The following XRN2 variants were observed in gnomAD, a reference collection of about 807,000 sequenced individuals.
XRN2 encodes the protein DHM1-like protein.
A neutral mutation model predicts 138.5 loss-of-function variants in XRN2; 44 were observed. The observed-to-expected ratio is 0.32, with a 90% CI of 0.25 to 0.41. XRN2 has a LOEUF of 0.41. Among genes scored for constraint, XRN2 ranks in the 10% least tolerant of loss-of-function variants. XRN2 has a pLI of 1.00. For synonymous variants in XRN2, 354 were observed against 369.4 expected, an observed-to-expected ratio of 0.96 and a Z score of 0.48; for missense variants, 937 against 1,169.3, an observed-to-expected ratio of 0.80 and a Z score of 2.90.
At chr20:21,344,765 T>G (rs976548742) in intron 16 of XRN2, among the ~76,000 whole-genome samples, 2 of 152,128 alleles carry the variant, frequency 1.3e-5, no homozygotes, top group African/African-American at 4.8e-5. Context: ...TACTTCAAAT[T>G]TAAAATAGGA....
At chr20:21,308,526 G>C (rs1306850660) in intron 1 of XRN2, among the ~76,000 whole-genome samples, 2 of 152,120 alleles carry the variant, frequency 1.3e-5, no homozygotes, top group Non-Finnish European at 2.9e-5. Context: ...ACTTGATATA[G>C]TTAGCCCTTT....
chr20:21,385,538 A>G (rs2038928747), intron 28 of XRN2, among the ~76,000 whole-genome samples: 1 of 152,232 alleles, frequency 6.6e-6, no homozygotes, highest in African/African-American at 2.4e-5. Context: ...TACTTATAAC[A>G]CATTGTTATT....
intron 13 of XRN2, 79 bp from the exon 14 acceptor site, chr20:21,338,965 C>T (rs1334428575): frequency 1.4e-6 from 2 of 1,391,588 alleles, no homozygotes; most frequent in Non-Finnish European, 2.0e-6. Flanking sequence ...AAGTTGTCTC[C>T]CAAATCATTC....
chr20:21,365,409 G>A lies in XRN2; in HGVS notation c.2256-12G>A. ...TAATCAGATCATTGAATTGTTTCTT[G>A]TTCTTTTCCAGTATTAATTTTAAAG... On this transcript the variant is annotated splice_polypyrimidine_tract_variant and intron_variant, in intron 24 of 29. Transcript: ENST00000377191. 2 of 1,610,864 alleles carry A rather than the reference G, an allele frequency of 1.2e-6. No homozygotes were observed. The highest frequency in any genetic ancestry group is 1.7e-6 in the Non-Finnish European group (2 of 1,178,660).
intron 9 of XRN2, 124 bp downstream of exon 9, chr20:21,332,564 A>G: frequency 3.0e-6 from 3 of 991,770 alleles, no homozygotes; most frequent in Non-Finnish European, 4.1e-6. Context: ...TAAATATTTG[A>G]GTTACCTTGT....
intron 1 of XRN2, among the ~76,000 whole-genome samples, chr20:21,313,711 T>C (rs1005052968): frequency 6.6e-6 from 1 of 152,240 alleles, no homozygotes; most frequent in Non-Finnish European, 1.5e-5. Context: ...GTGTACAGTG[T>C]GGTCTTACTG....
intron 26 of XRN2, among the ~76,000 whole-genome samples, chr20:21,366,195 A>G (rs1195345120): frequency 7.7e-6 from 1 of 129,724 alleles, no homozygotes; most frequent in Non-Finnish European, 1.6e-5. Flanking sequence ...TATTATATTT[A>G]TAGTTTATAT....
At chr20:21,380,188 C>T (rs1298090008) in intron 27 of XRN2, among the ~76,000 whole-genome samples, 1 of 152,096 alleles carries the variant, frequency 6.6e-6, no homozygotes, top group East Asian at 1.9e-4. Context: ...TGAATATTTG[C>T]TGTATTTCTT....
In XRN2 at chr20:21,349,579, C is replaced by CA. The variant is rs2122256450; in HGVS notation, c.1936+124dup. 6 of 853,696 alleles carry CA rather than the reference C, an allele frequency of 7.0e-6. No individual in the cohort carries two copies. In the South Asian group the frequency reaches 9.5e-5, roughly 13 times the overall value. The allele number at this position is 853,696 out of a possible 1,614,324, so 52.9% of individuals were successfully genotyped here. A position where few individuals can be genotyped will look rare whatever the true frequency, so the allele number is the denominator to read the frequency against. The stretch of plus-strand genomic sequence containing the variant: ...GCAACATGGTGAAATCTCATTTCTA[C>CA]AAAAAATACAAAAATTAGCCTGGCG... On this transcript the variant is annotated intron_variant, in intron 20 of 29. Coordinates refer to ENST00000377191, the MANE Select transcript of XRN2 (RefSeq NM_012255.5).
At chr20:21,330,570 C>G (rs755043756) in intron 5 of XRN2, 31 bp downstream of exon 5, 6 of 1,613,540 alleles carry the variant, frequency 3.7e-6, no homozygotes, top group South Asian at 2.2e-5. Context: ...CTAGCTATTG[C>G]TAACTCTTAA....
intron 1 of XRN2, among the ~76,000 whole-genome samples, chr20:21,318,903 TAGAA>T (rs2037998839): frequency 6.6e-6 from 1 of 152,160 alleles, no homozygotes. Context: ...TGTAATGTGC[TAGAA>T]ATATCTGTTA....
At chr20:21,351,364 C>A (rs957329694) in intron 20 of XRN2, among the ~76,000 whole-genome samples, 1 of 152,130 alleles carries the variant, frequency 6.6e-6, no homozygotes, top group East Asian at 1.9e-4. Flanking sequence ...TACTGAACAT[C>A]GTTTCATGTC....
Position 21,356,566 on chromosome 20 carries a change from A to T in XRN2, c.2119-20A>T. The T allele has an allele frequency of 6.2e-7, 1 of 1,608,200 alleles. No individual in the cohort carries two copies. Among genetic ancestry groups the T allele is most frequent in the Non-Finnish European group, 8.5e-7 (1 of 1,176,116 alleles). The stretch of plus-strand genomic sequence containing the variant: ...TTTTCCATTCTTTGCATATGAGATC[A>T]GGAATGCATTTTTCCACAGCCAGTG... On this transcript the variant is annotated intron_variant, in intron 22 of 29. Coordinates refer to ENST00000377191, the MANE Select transcript of XRN2 (RefSeq NM_012255.5).
At position 21,326,416 on chromosome 20, in the gene XRN2, C is replaced by A; in HGVS notation, c.203+10C>A. ...CTCATCCTGAAGACAAGTACGTAAC[C>A]CATTTTTGTCACTGATATAGCAAAT... On this transcript the variant is annotated intron_variant, in intron 2 of 29. Transcript: ENST00000377191. 6.2e-7 allele frequency: 1 copy of A among 1,613,450 alleles called. No homozygotes were observed. Among genetic ancestry groups the A allele is most frequent in the African/African-American group, 1.3e-5 (1 of 74,992 alleles).
chr20:21,317,063 TC>T (rs1271945330), intron 1 of XRN2, among the ~76,000 whole-genome samples: 2 of 152,216 alleles, frequency 1.3e-5, no homozygotes, highest in Non-Finnish European at 2.9e-5. Flanking sequence ...TAGTTTAATT[TC>T]TTTTTTTTCT....
chr20:21,304,297 C>T (rs1410787397), intron 1 of XRN2, among the ~76,000 whole-genome samples: 1 of 150,600 alleles, frequency 6.6e-6, no homozygotes, highest in Non-Finnish European at 1.5e-5. Flanking sequence ...GCGTACCTCA[C>T]TCCTTAGTTT....
At chr20:21,365,743 T>C in intron 26 of XRN2, 39 bp downstream of exon 26, 7 of 1,546,958 alleles carry the variant, frequency 4.5e-6, no homozygotes, top group Non-Finnish European at 6.1e-6. Context: ...ATTTTGCTTT[T>C]TCTGAATCAT....
At chr20:21,378,087 T>G (rs1042171375) in intron 27 of XRN2, among the ~76,000 whole-genome samples, 1 of 152,216 alleles carries the variant, frequency 6.6e-6, no homozygotes, top group Non-Finnish European at 1.5e-5. Context: ...AGTATTATCC[T>G]TTTAAAAAGA....
intron 13 of XRN2, 145 bp from the exon 14 acceptor site, chr20:21,338,899 T>TCTTA (rs2038334945): frequency 5.9e-6 from 4 of 682,194 alleles, no homozygotes; most frequent in Non-Finnish European, 1.0e-5. Flanking sequence ...GAACATATAG[T>TCTTA]CTTATTGCCT....
Sources: gnomAD v4.1 joint callset for allele counts (sites outside exome capture counted in the v4.1 genomes callset) on GRCh38, gnomAD v4.1.1 for gene constraint, MANE v1.5 for transcripts, NCBI Gene and HGNC (gene_info 2026-07-23, HGNC 2026-07-21) for gene names.